Variants in USPL1 observed in about 807,000 individuals in gnomAD.
The protein encoded by USPL1 is SUMO-specific isopeptidase USPL1.
In USPL1, 27 loss-of-function variants were observed where a neutral mutation model predicts 51.5. The ratio of observed to expected loss-of-function variants is 0.52; its 90% CI spans 0.39 to 0.72. The LOEUF is 0.72. Among genes scored for constraint, USPL1 ranks in the 30% least tolerant of loss-of-function variants. The pLI is 0.00. For missense variants in USPL1, 1,226 were observed against 1,268.0 expected (o/e 0.97, Z 0.50); for synonymous variants, 451 against 459.6 (o/e 0.98, Z 0.24).
chr13:30,628,553 G>A (rs1403255349), intron 3 of USPL1, among the ~76,000 whole-genome samples: 1 of 152,040 alleles, frequency 6.6e-6, no homozygotes, highest in Non-Finnish European at 1.5e-5. Flanking sequence ...CCTACCCGCC[G>A]ACAGGCCCCG....
Position 30,618,737 on chromosome 13 carries a change from A to G in USPL1, c.-69+681A>G, listed in dbSNP as rs148071052. Among the ~76,000 whole-genome samples the G allele has an allele frequency of 2.3e-3, 345 of 152,306 alleles. 1 individual carries two copies. Among genetic ancestry groups the G allele is most frequent in the African/African-American group, 8.0e-3 (334 of 41,562 alleles). The stretch of plus-strand genomic sequence containing the variant: ...CACAGAAGTATGAAAAGGGGATGTT[A>G]GAAGAAAGATGCTGGGGGTGAAGTA... On this transcript the variant is annotated intron_variant, in intron 1 of 8. Transcript: ENST00000255304.
intron 4 of USPL1, 49 bp from the exon 5 acceptor site, chr13:30,637,695 G>A (rs1340159210): frequency 2.1e-6 from 3 of 1,409,260 alleles, no homozygotes; most frequent in Admixed American, 4.2e-5. Context: ...TTTTCTGTGG[G>A]AAGATATACA....
At position 30,658,958 on chromosome 13, in the gene USPL1, T is replaced by A. The variant is rs745906359; in HGVS notation, c.2881T>A (p.Ser961Thr). 6.2e-7 allele frequency: 1 copy of A among 1,614,218 alleles called. No homozygotes were observed. The highest frequency in any genetic ancestry group is 1.1e-5 in the South Asian group (1 of 91,084). The change falls in exon 9 of 9, where the codon TCC becomes ACC. Residue 961 changes from serine to threonine, a missense_variant. Coordinates refer to ENST00000255304, the MANE Select transcript of USPL1 (RefSeq NM_005800.5). ...TGCATGCACCACTGTTCCTGGTGTT[T>A]CCCTGTACAGTAGTCAAACTCATGA... is the stretch of plus-strand genomic sequence containing the variant. ...ESACTTVPGV[S>T]LYSSQTHEEI...
chr13:30,626,500 T>A (rs1466069752), intron 3 of USPL1, among the ~76,000 whole-genome samples: 1 of 152,222 alleles, frequency 6.6e-6, no homozygotes, highest in African/African-American at 2.4e-5. Flanking sequence ...AGTTGGGTAG[T>A]TGTGACAGAC....
Position 30,646,945 on chromosome 13 carries a change from C to G in USPL1, c.1126C>G (p.Leu376Val), listed in dbSNP as rs1004171225. ...ATTTTTTTATAGGCATATGAAGAGTCTGGTCACCTTTACAAATGTCATCCC... is the reference window on the plus strand; with the variant it reads ...ATTTTTTTATAGGCATATGAAGAGTGTGGTCACCTTTACAAATGTCATCCC... ...HQYQNRHMKSLVTFTNVIPEW... is the reference protein window; with the variant it reads ...HQYQNRHMKSVVTFTNVIPEW... The change falls in exon 7 of 9, where the codon CTG becomes GTG. Residue 376 changes from leucine (L) to valine (V), a missense_variant. Transcript: ENST00000255304. 33 of 1,613,276 alleles carry G rather than the reference C, an allele frequency of 2.0e-5. No individual in the cohort carries two copies. The highest frequency in any genetic ancestry group is 2.6e-5 in the Non-Finnish European group (31 of 1,179,688).
chr13:30,659,219 G>A lies in USPL1; in HGVS notation c.3142G>A (p.Val1048Ile), dbSNP rs373409567. Reference sequence around the variant, plus strand: ...AGACTCTCTGACAAATAATGCCTGCGTTAGAACATTAAACTTGGAGAGTCC... The same window carrying A: ...AGACTCTCTGACAAATAATGCCTGCATTAGAACATTAAACTTGGAGAGTCC... ...QPDSLTNNACVRTLNLESPMK... is the reference protein window; with the variant it reads ...QPDSLTNNACIRTLNLESPMK... Residue 1048 changes from valine (V) to isoleucine (I), a missense_variant, in exon 9 of 9, where the codon GTT (valine) becomes ATT (isoleucine). Transcript: ENST00000255304. The A allele has an allele frequency of 3.7e-6, 6 of 1,613,982 alleles. No individual in the cohort carries two copies. Among genetic ancestry groups the A allele is most frequent in the East Asian group, 4.5e-5 (2 of 44,860 alleles).
intron 5 of USPL1, 71 bp from the exon 6 acceptor site, chr13:30,642,557 T>C: frequency 1.3e-6 from 2 of 1,550,028 alleles, no homozygotes; most frequent in Non-Finnish European, 1.7e-6. Context: ...GAAAAGACAA[T>C]AGTTCACAAT....
chr13:30,638,769 T>C (rs1054507511), intron 5 of USPL1, among the ~76,000 whole-genome samples: 2 of 151,272 alleles, frequency 1.3e-5, no homozygotes, highest in African/African-American at 4.8e-5. Context: ...ATTTAACTTA[T>C]ATTAAAAAAT....
chr13:30,659,078 A>G lies in USPL1; in HGVS notation c.3001A>G (p.Ser1001Gly), dbSNP rs765195898. The change falls in exon 9 of 9, where the codon AGT (serine) becomes GGT (glycine). Residue 1001 changes from serine (S) to glycine (G), a missense_variant. Ser to Gly is a moderately conservative substitution (Grantham distance 56, BLOSUM62 0). Transcript: ENST00000255304. ...CTTTAGGTATTTGGGAATGGGAGAT[A>G]GTCATATCCCACCACCAGTACCAAG... ...GDFRYLGMGD[S>G]HIPPPVPSEF... 218 of 1,614,124 alleles carry G rather than the reference A, an allele frequency of 1.4e-4. No individual in the cohort carries two copies. Among genetic ancestry groups the G allele is most frequent in the Middle Eastern group, 4.9e-4 (3 of 6,084 alleles).
Position 30,657,637 on chromosome 13 carries a change from A to G in USPL1, c.1560A>G (p.Gln520=), listed in dbSNP as rs376844660. The G allele has an allele frequency of 6.2e-7, 1 of 1,614,188 alleles. No homozygotes were observed. Among genetic ancestry groups the G allele is most frequent in the Non-Finnish European group, 8.5e-7 (1 of 1,180,030 alleles). Residue 520 remains glutamine (Q), a synonymous_variant, in exon 9 of 9, where the codon CAA becomes CAG. Transcript: ENST00000255304. ...TTCCACTTAAAAAGACTAATGACCA[A>G]CACGCTCTCAGTAATGAGAAACCAG... ...ACLPLKKTND[Q]HALSNEKPVS...
chr13:30,626,313 A>AAAATAAATAAATAAAT (rs57602031), intron 3 of USPL1, among the ~76,000 whole-genome samples: 142 of 149,296 alleles, frequency 9.5e-4, no homozygotes, highest in Admixed American at 1.9e-3. Flanking sequence ...ACTCTATCTC[A>AAAATAAATAAATAAAT]AAATAAATAA....
rs867109438 is a variant in USPL1, at chr13:30,647,583, T to G, written c.1238+526T>G. Among the ~76,000 whole-genome samples, 65 of 152,306 alleles carry G rather than the reference T, an allele frequency of 4.3e-4. 1 individual carries two copies. The Middle Eastern group carries it at 0.01, about 24-fold the overall frequency. On this transcript the variant is annotated intron_variant, in intron 7 of 8. Coordinates refer to ENST00000255304, the MANE Select transcript of USPL1 (RefSeq NM_005800.5). ...CCTCAGTTGGGGAGGTTGGTCAGCA[T>G]TACCTTTTCCAGTATTACCAGAGAA... is the stretch of plus-strand genomic sequence containing the variant.
At chr13:30,621,931 C>T in intron 3 of USPL1, 39 bp downstream of exon 3, 1 of 1,300,422 alleles carries the variant, frequency 7.7e-7, no homozygotes, top group Non-Finnish European at 1.0e-6. Flanking sequence ...TAAGATTTTT[C>T]TTTTTTCTTT....
At chr13:30,638,541 T>C (rs1202381160) in intron 5 of USPL1, among the ~76,000 whole-genome samples, 1 of 152,200 alleles carries the variant, frequency 6.6e-6, no homozygotes, top group Non-Finnish European at 1.5e-5. Flanking sequence ...CTAGAGAGTC[T>C]GTCCAAACCT....
In USPL1 at chr13:30,647,023, A is replaced by C; in HGVS notation, c.1204A>C (p.Ser402Arg). 6.2e-7 allele frequency: 1 copy of C among 1,612,918 alleles called. No individual in the cohort carries two copies. The highest frequency in any genetic ancestry group is 8.5e-7 in the Non-Finnish European group (1 of 1,178,932). ...TTTTGGTCCATGTAACAATTGCAAC[A>C]GTAAATCACAAATAAGAAAAATGGT... is the stretch of plus-strand genomic sequence containing the variant. ...AHFGPCNNCN[S>R]KSQIRKMVLE... The change falls in exon 7 of 9, where the codon AGT (serine) becomes CGT (arginine). Residue 402 changes from serine to arginine, a missense_variant. Physicochemically the swap from Ser to Arg is moderately radical, Grantham distance 110. Coordinates refer to ENST00000255304, the MANE Select transcript of USPL1 (RefSeq NM_005800.5).
In USPL1 at chr13:30,630,840, C is replaced by T. The variant is rs745841798; in HGVS notation, c.234C>T (p.Ile78=). 5.6e-6 allele frequency: 9 copies of T among 1,597,122 alleles called. No individual in the cohort carries two copies. The part of the protein sequence containing the change: ...SIFLCEDLQC[I]YPLGSKSLNN... Reference sequence around the variant, plus strand: ...ATTTTATTTTTACTTTCCAGTGCATCTATCCTTTGGGCTCTAAATCACTTA... The same window carrying T: ...ATTTTATTTTTACTTTCCAGTGCATTTATCCTTTGGGCTCTAAATCACTTA... The change falls in exon 4 of 9, where the codon ATC becomes ATT. Residue 78 remains isoleucine (I), a synonymous_variant. Transcript: ENST00000255304.
At chr13:30,628,488 G>A (rs929917966) in intron 3 of USPL1, among the ~76,000 whole-genome samples, 2 of 152,102 alleles carry the variant, frequency 1.3e-5, no homozygotes, top group African/African-American at 4.8e-5. Context: ...TGTTGCACCT[G>A]TCAGCCTGTC....
At chr13:30,625,150 G>A (rs1044711460) in intron 3 of USPL1, among the ~76,000 whole-genome samples, 1 of 152,202 alleles carries the variant, frequency 6.6e-6, no homozygotes, top group African/African-American at 2.4e-5. Context: ...GGTGGCAGAG[G>A]TGTTGAGGCA....
chr13:30,638,180 C>T (rs1950900856), intron 5 of USPL1, among the ~76,000 whole-genome samples: 2 of 152,136 alleles, frequency 1.3e-5, no homozygotes, highest in Non-Finnish European at 2.9e-5. Context: ...CTCAATTGTG[C>T]ATTAAAAAGC....
Sources: allele counts gnomAD v4.1 joint callset (sites outside exome capture counted in the v4.1 genomes callset), GRCh38; gene constraint gnomAD v4.1.1; transcripts MANE v1.5; gene names NCBI Gene and HGNC (gene_info 2026-07-23, HGNC 2026-07-21).